Variants in NEURL4 observed in about 807,000 individuals in gnomAD.
The protein encoded by NEURL4 is neuralized E3 ubiquitin protein ligase 4.
NEURL4 carries 45 observed loss-of-function variants against 148.0 expected under a neutral mutation model. The ratio of observed to expected loss-of-function variants is 0.30; its 90% CI spans 0.24 to 0.39. The LOEUF (loss-of-function observed/expected upper bound fraction) is 0.39, where lower values mean the gene tolerates loss of function less well. Among genes scored for constraint, NEURL4 ranks in the 10% least tolerant of loss-of-function variants. The pLI is 1.00. For synonymous variants in NEURL4, 854 were observed against 869.0 expected, an observed-to-expected ratio of 0.98 and a Z score of 0.30; for missense variants, 1,776 against 2,144.0, an observed-to-expected ratio of 0.83 and a Z score of 3.39.
Position 7,321,400 on chromosome 17 carries a change from A to C in NEURL4, c.3159T>G (p.Asp1053Glu), listed in dbSNP as rs924816959. ...TGGCTGCAGGCCCCATATCCTCTCC[A>C]TCCACCAGGATGTGCATCGTGTCAT... ...GADDTMHILVDGEDMGPAATG... is the reference protein window; with the variant it reads ...GADDTMHILVEGEDMGPAATG... The change falls in exon 19 of 29, where the codon GAT becomes GAG. Residue 1053 changes from aspartate (D) to glutamate (E), a missense_variant. Asp to Glu is a conservative substitution (Grantham distance 45). Transcript: ENST00000399464. This position sits in a 1 kb window ranked among gnomAD's most constrained non-coding sequence, Gnocchi z 6.3. 5.0e-6 allele frequency: 8 copies of C among 1,613,874 alleles called. No individual in the cohort carries two copies. Among genetic ancestry groups the C allele is most frequent in the Admixed American group, 1.7e-5 (1 of 59,994 alleles).
Position 7,321,957 on chromosome 17 carries a change from C to T in NEURL4, c.2779G>A (p.Glu927Lys), listed in dbSNP as rs1336209963. ...CGCACTGCCCTCGTGCCATCCTCCT[C>T]TAGAGTGACGTTCTTGCCGCAAGTA... ...HSTCGKNVTL[E>K]EDGTRAVRAA... Residue 927 changes from glutamate to lysine, a missense_variant, in exon 17 of 29, where the codon GAG (glutamate) becomes AAG (lysine). Coordinates refer to ENST00000399464, the MANE Select transcript of NEURL4 (RefSeq NM_032442.3). The surrounding 1 kb of genome is among the most constrained non-coding windows in gnomAD (Gnocchi z 6.3). 6.2e-7 allele frequency: 1 copy of T among 1,613,626 alleles called. No individual in the cohort carries two copies. The highest frequency in any genetic ancestry group is 8.5e-7 in the Non-Finnish European group (1 of 1,179,992).
intron 21 of NEURL4, among the ~76,000 whole-genome samples, chr17:7,319,700 C>CAAAAAAAAAAAAAAAAAA: frequency 8.5e-6 from 1 of 118,100 alleles, no homozygotes; most frequent in East Asian, 3.6e-4. Flanking sequence ...AACTCCGTCT[C>CAAAAAAAAAAAAAAAAAA]AAAAAAAACA....
chr17:7,320,673 T>C, intron 21 of NEURL4, 86 bp downstream of exon 21: 1 of 1,296,356 alleles, frequency 7.7e-7, no homozygotes, highest in Non-Finnish European at 1.1e-6. Flanking sequence ...TTTCTTTTTC[T>C]CCACACAAAA....
chr17:7,319,362 GT>G (rs1238539451), intron 21 of NEURL4, among the ~76,000 whole-genome samples, 154 bp from the exon 22 acceptor site: 1 of 122,676 alleles, frequency 8.2e-6, no homozygotes, highest in Non-Finnish European at 1.7e-5. Context: ...TAATTTAGTT[GT>G]TTCTTTCCCT....
rs1404314065 is a variant in NEURL4 at position 7,323,679 on chromosome 17, A to G, written c.2306T>C (p.Met769Thr). The G allele has an allele frequency of 1.2e-6, 2 of 1,613,786 alleles. No individual in the cohort carries two copies. The highest frequency in any genetic ancestry group is 1.7e-6 in the Non-Finnish European group (2 of 1,179,856). ...GELFEIVIQK[M>T]VDRWSGSIEA... ...AATGGAGCCTGACCAGCGGTCCACC[A>G]TCTTCTGAATGACAATTTCAAACAG... Residue 769 changes from methionine to threonine, a missense_variant, in exon 13 of 29, where the codon ATG becomes ACG. Coordinates refer to ENST00000399464, the MANE Select transcript of NEURL4 (RefSeq NM_032442.3).
intron 21 of NEURL4, 61 bp from the exon 22 acceptor site, chr17:7,319,269 C>G: frequency 1.3e-6 from 2 of 1,485,948 alleles, no homozygotes; most frequent in Non-Finnish European, 1.8e-6. Flanking sequence ...GCTCCGCACC[C>G]CAGCCAGAGA....
chr17:7,319,681 CAA>C, intron 21 of NEURL4, among the ~76,000 whole-genome samples: 1 of 138,540 alleles, frequency 7.2e-6, no homozygotes, highest in Non-Finnish European at 1.6e-5. Context: ...GCCTGGGCGA[CAA>C]GAGCTAAACT....
chr17:7,328,099 C>A (rs1370794441), intron 1 of NEURL4, among the ~76,000 whole-genome samples: 1 of 152,236 alleles, frequency 6.6e-6, no homozygotes, highest in Admixed American at 6.5e-5. Context: ...TAAACCACTC[C>A]TTTCCAAGCC....
rs1248007923 is a variant in NEURL4, at chr17:7,318,247, G to C, written c.3952+22C>G. On this transcript the variant is annotated intron_variant, in intron 24 of 28. Coordinates refer to ENST00000399464, the MANE Select transcript of NEURL4 (RefSeq NM_032442.3). The surrounding 1 kb of genome is among the most constrained non-coding windows in gnomAD (Gnocchi z 4.3). ...GGGTGGGGGAGTAGGGGCAGGAGCT[G>C]GGTCCCTTTGGGCTGGCACACCGTC... is the stretch of plus-strand genomic sequence containing the variant. The C allele has an allele frequency of 1.2e-6, 2 of 1,612,920 alleles. No homozygotes were observed. The highest frequency in any genetic ancestry group is 1.1e-5 in the South Asian group (1 of 91,060).
In NEURL4 at chr17:7,318,669, G is replaced by A. The variant is rs200948360; in HGVS notation, c.3690C>T (p.Cys1230=). 226 of 1,607,238 alleles carry A rather than the reference G, an allele frequency of 1.4e-4. No homozygotes were observed. In the East Asian group the frequency reaches 3.0e-3, roughly 21 times the overall value. The part of the protein sequence containing the change: ...RGVFHNGLKI[C]EKFGPNLDTC... ...TGTCCAGATTGGGCCCAAACTTCTC[G>A]CAGATCTGGGAGGAGAGACCGGCTG... Residue 1230 remains cysteine, a synonymous_variant, in exon 23 of 29, where the codon TGC becomes TGT. Coordinates refer to ENST00000399464, the MANE Select transcript of NEURL4 (RefSeq NM_032442.3). This position sits in a 1 kb window ranked among gnomAD's most constrained non-coding sequence, Gnocchi z 4.3.
intron 21 of NEURL4, among the ~76,000 whole-genome samples, chr17:7,319,861 GCT>G (rs963344873): frequency 1.3e-5 from 2 of 151,316 alleles, no homozygotes; most frequent in Non-Finnish European, 2.9e-5. Context: ...ACGGAGTCTC[GCT>G]CTGTTGCCCA....
In NEURL4 at chr17:7,327,694, C is replaced by T. The variant is rs746910160; in HGVS notation, c.473G>A (p.Arg158His). Reference protein sequence around the residue: ...QDLDQLGEGDRVGVERTVAGE... With the variant: ...QDLDQLGEGDHVGVERTVAGE... ...AGCAACTGTGCGCTCCACGCCCACG[C>T]GGTCCCCTTCACCAAGCTGGTCCAG... Residue 158 changes from arginine (R) to histidine (H), a missense_variant, in exon 2 of 29, where the codon CGC (arginine) becomes CAC (histidine). Physicochemically the swap from Arg to His is conservative, Grantham distance 29. Coordinates refer to ENST00000399464, the MANE Select transcript of NEURL4 (RefSeq NM_032442.3). The surrounding 1 kb of genome is among the most constrained non-coding windows in gnomAD (Gnocchi z 6.6). The T allele has an allele frequency of 2.7e-5, 44 of 1,614,076 alleles. No homozygotes were observed. Among genetic ancestry groups the T allele is most frequent in the Middle Eastern group, 3.3e-4 (2 of 6,062 alleles).
chr17:7,320,956 T>C (rs1248560625), intron 20 of NEURL4, 33 bp from the exon 21 acceptor site: 1 of 1,611,160 alleles, frequency 6.2e-7, no homozygotes, highest in Non-Finnish European at 8.5e-7. Flanking sequence ...GCTGCATGGG[T>C]TGCCAATGCC....
chr17:7,323,796 G>C lies in NEURL4; in HGVS notation c.2261+18C>G. On this transcript the variant is annotated intron_variant, in intron 12 of 28. Transcript: ENST00000399464. ...CTGGGCAGGAGGAAGGTGGGGACAT[G>C]AAAGTTGAGAGACTGACCGGTTGGA... The C allele has an allele frequency of 1.9e-6, 3 of 1,614,150 alleles. No homozygotes were observed. The highest frequency in any genetic ancestry group is 1.3e-5 in the African/African-American group (1 of 75,072).
At chr17:7,325,734 GT>G (rs752354895) in intron 6 of NEURL4, 21 bp from the exon 7 acceptor site, 2 of 1,603,882 alleles carry the variant, frequency 1.2e-6, no homozygotes, top group South Asian at 1.1e-5. Context: ...AAGACAAACA[GT>G]TTAGAGGAGT....
chr17:7,323,388 G>A, intron 14 of NEURL4, 97 bp downstream of exon 14: 4 of 1,298,496 alleles, frequency 3.1e-6, no homozygotes, highest in Middle Eastern at 1.9e-4. Context: ...CCCTAGGTCT[G>A]TCACTACCCA....
chr17:7,319,374 C>CTTTTTT (rs374281551), intron 21 of NEURL4, among the ~76,000 whole-genome samples, 166 bp from the exon 22 acceptor site: 24 of 113,922 alleles, frequency 2.1e-4, no homozygotes, highest in Non-Finnish European at 3.2e-4. Flanking sequence ...TTCTTTCCCT[C>CTTTTTT]TTTTTTTTTT....
chr17:7,319,374 CTTTTTTTTTTTTTTTTT>C (rs374281551), intron 21 of NEURL4, among the ~76,000 whole-genome samples, 166 bp from the exon 22 acceptor site: 8 of 113,882 alleles, frequency 7.0e-5, no homozygotes, highest in Non-Finnish European at 1.2e-4. Context: ...TTCTTTCCCT[CTTTTTTTTTTTTTTTTT>C]TTTTTTTTTT....
At position 7,326,508 on chromosome 17, in the gene NEURL4, A is replaced by G. The variant is rs754833515; in HGVS notation, c.1133T>C (p.Ile378Thr). The change falls in exon 5 of 29, where the codon ATT (isoleucine) becomes ACT (threonine). Residue 378 changes from isoleucine to threonine, a missense_variant. Transcript: ENST00000399464. The surrounding 1 kb of genome is among the most constrained non-coding windows in gnomAD (Gnocchi z 6.0). ...DKLVDKWSGS[I>T]EIGVTTHNPN... ...GTTGTGGGTGGTGACCCCAATCTCA[A>G]TGGAGCCTGACCACTTATCAACAAG... is the stretch of plus-strand genomic sequence containing the variant. 6.2e-6 allele frequency: 10 copies of G among 1,614,082 alleles called. No homozygotes were observed. Among genetic ancestry groups the G allele is most frequent in the Non-Finnish European group, 8.5e-6 (10 of 1,180,008 alleles).
Sources: gnomAD v4.1 joint callset for allele counts (sites outside exome capture counted in the v4.1 genomes callset) on GRCh38, gnomAD v4.1.1 for gene constraint, Gnocchi (gnomAD v3.1) non-coding constraint, MANE v1.5 for transcripts, NCBI Gene and HGNC (gene_info 2026-07-23, HGNC 2026-07-21) for gene names.